The following SLC25A36 variants were observed in gnomAD, a reference collection of about 807,000 sequenced individuals.
SLC25A36 encodes epididymis secretory sperm binding protein.
In SLC25A36, 24 loss-of-function variants were observed where a neutral mutation model predicts 35.3. That is an observed-to-expected ratio of 0.68 (90% confidence interval 0.49 to 0.96). SLC25A36 has a LOEUF of 0.96. Ranked by LOEUF, SLC25A36 falls within the 40% of genes least tolerant of loss-of-function variation. SLC25A36 has a pLI of 0.00. For missense variants in SLC25A36, 294 were observed against 381.1 expected (o/e 0.77, Z 1.90); for synonymous variants, 141 against 132.2 (o/e 1.07, Z -0.46).
chr3:140,973,531 T>C lies in SLC25A36; in HGVS notation c.453-185T>C, dbSNP rs147837112. On this transcript the variant is annotated intron_variant, in intron 5 of 6. Transcript: ENST00000324194. ...TTCAGTAAAATAAACTATTTACATATCACCCATTTAATATGACAAATTTGG... is the reference window on the plus strand; with the variant it reads ...TTCAGTAAAATAAACTATTTACATACCACCCATTTAATATGACAAATTTGG... 484 of 441,256 alleles carry C rather than the reference T, an allele frequency of 1.1e-3. 2 individuals carry two copies. Among genetic ancestry groups the C allele is most frequent in the Non-Finnish European group, 1.6e-3 (406 of 261,928 alleles). 27.3% of individuals were successfully genotyped at this position (441,256 alleles called of 1,614,324 possible).
Position 140,978,759 on chromosome 3 carries a change from T to G in SLC25A36, c.*2306T>G, listed in dbSNP as rs2107824549. On this transcript the variant is annotated 3_prime_UTR_variant, in exon 7 of 7. Coordinates refer to ENST00000324194, the MANE Select transcript of SLC25A36 (RefSeq NM_001104647.3). ...AAGGAGCAATGAAGTTTATTTCAGTTGTATTTTTCCCTAAGCACAATCTGC... is the reference window on the plus strand; with the variant it reads ...AAGGAGCAATGAAGTTTATTTCAGTGGTATTTTTCCCTAAGCACAATCTGC... 1 of 152,300 alleles carries G rather than the reference T, an allele frequency of 6.6e-6. No individual in the cohort carries two copies. The highest frequency in any genetic ancestry group is 1.9e-4 in the East Asian group (1 of 5,192). 9.4% of individuals were successfully genotyped at this position (152,300 alleles called of 1,614,324 possible). A position where few individuals can be genotyped will look rare whatever the true frequency, so the allele number is the denominator to read the frequency against.
At position 140,970,921 on chromosome 3, in the gene SLC25A36, GT is replaced by G; in HGVS notation, c.386-3del. 1 of 1,395,344 alleles carries G rather than the reference GT, an allele frequency of 7.2e-7. No individual in the cohort carries two copies. Among genetic ancestry groups the G allele is most frequent in the Non-Finnish European group, 1.0e-6 (1 of 983,066 alleles). 86.4% of individuals were successfully genotyped at this position (1,395,344 alleles called of 1,614,324 possible). ...ACCAGAGTTCATTTTAAACATGTTTGTTTAGGTTTTACTGCAATCACAGCAA... is the reference window on the plus strand; with the variant it reads ...ACCAGAGTTCATTTTAAACATGTTTGTTAGGTTTTACTGCAATCACAGCAA... On this transcript the variant is annotated splice_polypyrimidine_tract_variant and splice_region_variant and intron_variant, in intron 4 of 6. Coordinates refer to ENST00000324194, the MANE Select transcript of SLC25A36 (RefSeq NM_001104647.3).
chr3:140,968,815 G>A (rs763323089), intron 4 of SLC25A36: 5 of 589,784 alleles, frequency 8.5e-6, no homozygotes, highest in Non-Finnish European at 1.1e-5. Context: ...TTTCAAATAA[G>A]TATAATAAGA....
intron 1 of SLC25A36, among the ~76,000 whole-genome samples, chr3:140,948,272 G>A (rs975783372): frequency 3.9e-5 from 6 of 151,996 alleles, no homozygotes; most frequent in African/African-American, 1.4e-4. Flanking sequence ...CATGTTTTAA[G>A]ATTGAAAAAC....
chr3:140,957,183 A>G (rs956761145), intron 2 of SLC25A36: 6 of 152,360 alleles, frequency 3.9e-5, no homozygotes, highest in East Asian at 1.9e-4. Context: ...ACAGTTTGCC[A>G]TACTTCATTA....
At chr3:140,962,586 A>T (rs1246275478) in intron 3 of SLC25A36, among the ~76,000 whole-genome samples, 1 of 152,122 alleles carries the variant, frequency 6.6e-6, no homozygotes, top group Non-Finnish European at 1.5e-5. Flanking sequence ...ACAGTATCTT[A>T]AAATTGTTTA....
At chr3:140,971,049 C>A in intron 5 of SLC25A36, 56 bp downstream of exon 5, 1 of 771,260 alleles carries the variant, frequency 1.3e-6, no homozygotes, top group South Asian at 1.6e-5. Flanking sequence ...AATTTTTTTT[C>A]TACAAAGTTT....
chr3:140,967,265 C>T (rs1446039260), intron 4 of SLC25A36, among the ~76,000 whole-genome samples: 1 of 151,748 alleles, frequency 6.6e-6, no homozygotes, highest in African/African-American at 2.4e-5. Context: ...CCATAACAGC[C>T]TTGACCTCCA....
Position 140,959,540 on chromosome 3 carries a change from GGT to G in SLC25A36, c.284+1_284+2del. ...AATTTAGTGGGGGTAGCCCCTTCCA[GGT>G]AAAAAAAAAAAAAAATTGTTTAAAG... On this transcript the variant is annotated splice_donor_variant, in intron 3 of 6. Coordinates refer to ENST00000324194, the MANE Select transcript of SLC25A36 (RefSeq NM_001104647.3). LOFTEE classifies it high-confidence loss of function. 7.0e-7 allele frequency: 1 copy of G among 1,420,064 alleles called. No homozygotes were observed. Among genetic ancestry groups the G allele is most frequent in the East Asian group, 2.8e-5 (1 of 35,448 alleles). 88.0% of individuals were successfully genotyped at this position (1,420,064 alleles called of 1,614,324 possible).
intron 2 of SLC25A36, among the ~76,000 whole-genome samples, chr3:140,958,563 G>T (rs1298472753): frequency 1.3e-5 from 2 of 152,266 alleles, no homozygotes; most frequent in East Asian, 1.9e-4. Flanking sequence ...TATAGCAACG[G>T]TTAACTGAGT....
chr3:140,975,724 T>C (rs1935027887), intron 6 of SLC25A36, among the ~76,000 whole-genome samples: 1 of 152,226 alleles, frequency 6.6e-6, no homozygotes, highest in Non-Finnish European at 1.5e-5. Flanking sequence ...TATTTTTGCT[T>C]ACCTGATTCC....
chr3:140,962,160 C>T (rs1934647736), intron 3 of SLC25A36, among the ~76,000 whole-genome samples: 1 of 152,054 alleles, frequency 6.6e-6, no homozygotes. Flanking sequence ...CCCAACTTGG[C>T]ATCAAGTGTA....
At chr3:140,943,957 T>A (rs985415222) in intron 1 of SLC25A36, among the ~76,000 whole-genome samples, 2 of 147,690 alleles carry the variant, frequency 1.4e-5, no homozygotes, top group African/African-American at 5.3e-5. Flanking sequence ...CTCCATCCCC[T>A]CCCCCCCAGT....
intron 1 of SLC25A36, among the ~76,000 whole-genome samples, chr3:140,944,098 TGAG>T (rs770975500): frequency 3.9e-5 from 6 of 152,244 alleles, no homozygotes; most frequent in Non-Finnish European, 8.8e-5. Flanking sequence ...GTTACATAAG[TGAG>T]TTCAGTAAAA....
Position 140,963,243 on chromosome 3 carries a change from A to AG in SLC25A36, c.385+16_385+17insG. 7.0e-7 allele frequency: 1 copy of AG among 1,421,824 alleles called. No individual in the cohort carries two copies. Among genetic ancestry groups the AG allele is most frequent in the Non-Finnish European group, 9.5e-7 (1 of 1,048,340 alleles). The allele number at this position is 1,421,824 out of a possible 1,614,324, so 88.1% of individuals were successfully genotyped here. On this transcript the variant is annotated intron_variant, in intron 4 of 6. Coordinates refer to ENST00000324194, the MANE Select transcript of SLC25A36 (RefSeq NM_001104647.3). ...GCAATGGCAGGTATGAATGTATAAT[A>AG]TTAAAAAAAAAAAAAACTTTCTGAA...
At chr3:140,958,467 T>C (rs1338268647) in intron 2 of SLC25A36, among the ~76,000 whole-genome samples, 1 of 152,226 alleles carries the variant, frequency 6.6e-6, no homozygotes, top group East Asian at 1.9e-4. Context: ...ACAGCAAATT[T>C]CCCAATGTCA....
intron 1 of SLC25A36, among the ~76,000 whole-genome samples, chr3:140,946,488 A>G (rs1053541998): frequency 5.9e-5 from 9 of 152,216 alleles, no homozygotes; most frequent in African/African-American, 2.2e-4. Flanking sequence ...GGACAGGGGC[A>G]GAAGTAGGGA....
chr3:140,957,742 G>GA (rs936902743), intron 2 of SLC25A36, among the ~76,000 whole-genome samples: 2 of 151,700 alleles, frequency 1.3e-5, no homozygotes, highest in African/African-American at 2.4e-5. Flanking sequence ...CTCTGTCTCA[G>GA]AAAAAAAATG....
chr3:140,959,543 A>G lies in SLC25A36; in HGVS notation c.284+3A>G. On this transcript the variant is annotated splice_donor_region_variant and intron_variant, in intron 3 of 6. Coordinates refer to ENST00000324194, the MANE Select transcript of SLC25A36 (RefSeq NM_001104647.3). ...TTAGTGGGGGTAGCCCCTTCCAGGT[A>G]AAAAAAAAAAAAAATTGTTTAAAGC... 4.0e-6 allele frequency: 1 copy of G among 248,216 alleles called. No individual in the cohort carries two copies. Among genetic ancestry groups the G allele is most frequent in the Non-Finnish European group, 6.3e-6 (1 of 157,524 alleles). The allele number at this position is 248,216 out of a possible 1,614,324, so 15.4% of individuals were successfully genotyped here.
Sources: allele counts gnomAD v4.1 joint callset (sites outside exome capture counted in the v4.1 genomes callset), GRCh38; gene constraint gnomAD v4.1.1; transcripts MANE v1.5; gene names NCBI Gene and HGNC (gene_info 2026-07-23, HGNC 2026-07-21).